TTLL3: variants seen among roughly 807,000 people sequenced by gnomAD.
The protein encoded by TTLL3 is tubulin tyrosine ligase like 3.
In TTLL3, 63 loss-of-function variants were observed where a neutral mutation model predicts 75.2. That is an observed-to-expected ratio of 0.84 (90% CI 0.68 to 1.03). The LOEUF is 1.03. TTLL3 is among the 50% of genes least tolerant of loss of function. The pLI is 0.00. For missense variants in TTLL3, 997 were observed against 1,069.9 expected (o/e 0.93, Z 0.95); for synonymous variants, 393 against 418.5 (o/e 0.94, Z 0.74).
rs1184613103 is a variant in TTLL3 at position 9,810,687 on chromosome 3, T to C, written c.26T>C (p.Ile9Thr). 1 of 1,587,700 alleles carries C rather than the reference T, an allele frequency of 6.3e-7. No homozygotes were observed. The highest frequency in any genetic ancestry group is 1.2e-5 in the South Asian group (1 of 86,648). The change falls in exon 2 of 14, where the codon ATC (isoleucine) becomes ACC (threonine). Residue 9 changes from isoleucine (I) to threonine (T), a missense_variant. Physicochemically the swap from Ile to Thr is moderately conservative, Grantham distance 89. Coordinates refer to ENST00000685419, the MANE Select transcript of TTLL3 (RefSeq NM_001387446.1). The surrounding 1 kb of genome is among the most constrained non-coding windows in gnomAD (Gnocchi z 4.4). MNRLRNAKIYVERAVKQKK... is the reference protein window; with the variant it reads MNRLRNAKTYVERAVKQKK... ...ATGAACCGGCTCAGAAACGCCAAAA[T>C]CTACGTGGAGAGAGCTGTCAAGGTC...
In TTLL3 at chr3:9,833,218, C is replaced by T. The variant is rs1285822484; in HGVS notation, c.1798C>T (p.Leu600=). ...RRMGVRPAVP[L]LTQRGSGEAR... Reference sequence around the variant, plus strand: ...GATGGGGGTCCGCCCAGCAGTCCCTCTGCTGACCCAGCGAGGCTCTGGGGA... The same window carrying T: ...GATGGGGGTCCGCCCAGCAGTCCCTTTGCTGACCCAGCGAGGCTCTGGGGA... Residue 600 remains leucine, a synonymous_variant, in exon 12 of 14, where the codon CTG becomes TTG. Transcript: ENST00000685419. 1 of 1,614,102 alleles carries T rather than the reference C, an allele frequency of 6.2e-7. No homozygotes were observed. The highest frequency in any genetic ancestry group is 1.7e-5 in the Admixed American group (1 of 60,012).
chr3:9,827,296 G>A, intron 10 of TTLL3, 56 bp downstream of exon 10: 1 of 1,595,616 alleles, frequency 6.3e-7, no homozygotes. Context: ...GAGCTGGCAA[G>A]CAAACAGGCG....
intron 8 of TTLL3, among the ~76,000 whole-genome samples, chr3:9,822,429 A>G (rs2080535067): frequency 6.6e-6 from 1 of 151,958 alleles, no homozygotes; most frequent in African/African-American, 2.4e-5. Context: ...AACCTCTCTA[A>G]AGTCGGGATT....
At chr3:9,821,834 C>T (rs527388343) in intron 8 of TTLL3, among the ~76,000 whole-genome samples, 85 of 152,058 alleles carry the variant, frequency 5.6e-4, no homozygotes, top group Non-Finnish European at 5.3e-4. Context: ...GAAACCCCAT[C>T]TCTACTAAAA....
Position 9,810,645 on chromosome 3 carries a change from C to T in TTLL3, c.-17C>T. The T allele has an allele frequency of 6.3e-7, 1 of 1,577,164 alleles. No individual in the cohort carries two copies. Among genetic ancestry groups the T allele is most frequent in the Non-Finnish European group, 8.6e-7 (1 of 1,161,328 alleles). On this transcript the variant is annotated 5_prime_UTR_variant, in exon 2 of 14. Coordinates refer to ENST00000685419, the MANE Select transcript of TTLL3 (RefSeq NM_001387446.1). The surrounding 1 kb of genome is among the most constrained non-coding windows in gnomAD (Gnocchi z 4.4). ...GGTTTCCCGGTCCTCTGGCGAGGAT[C>T]CTCCAAGGCGTCTCACATGAACCGG...
chr3:9,812,516 A>C (rs2079450107), intron 2 of TTLL3, among the ~76,000 whole-genome samples: 1 of 152,048 alleles, frequency 6.6e-6, no homozygotes, highest in African/African-American at 2.4e-5. Flanking sequence ...TCTCAAAAAA[A>C]AAAAATTATC....
At chr3:9,832,721 T>C (rs2081675599) in intron 11 of TTLL3, among the ~76,000 whole-genome samples, 1 of 152,244 alleles carries the variant, frequency 6.6e-6, no homozygotes, top group Non-Finnish European at 1.5e-5. Flanking sequence ...CCAAACCTCT[T>C]ACTTGTCTGG....
In TTLL3 at chr3:9,820,726, A is replaced by C. The variant is rs1247677545; in HGVS notation, c.839A>C (p.Tyr280Ser). 6.2e-7 allele frequency: 1 copy of C among 1,613,918 alleles called. No homozygotes were observed. Among genetic ancestry groups the C allele is most frequent in the African/African-American group, 1.3e-5 (1 of 74,902 alleles). ...PEGWSLFLQRYYQVVHEGAEL... is the reference protein window; with the variant it reads ...PEGWSLFLQRSYQVVHEGAEL... The stretch of plus-strand genomic sequence containing the variant: ...GGCTGGTCCCTCTTCCTCCAGCGCT[A>C]CTACCAAGTGGTCCAGTGAGTCCCC... The change falls in exon 8 of 14, where the codon TAC (tyrosine) becomes TCC (serine). Residue 280 changes from tyrosine to serine, a missense_variant. Transcript: ENST00000685419.
chr3:9,834,530 TCTCA>T (rs1432297532), intron 12 of TTLL3, 147 bp from the exon 13 acceptor site: 1 of 1,264,530 alleles, frequency 7.9e-7, no homozygotes, highest in Admixed American at 2.0e-5. Flanking sequence ...CCTGTTTTCT[TCTCA>T]CTGCCTCTGG....
intron 8 of TTLL3, 109 bp from the exon 9 acceptor site, chr3:9,825,691 C>A: frequency 6.3e-7 from 1 of 1,598,764 alleles, no homozygotes; most frequent in Non-Finnish European, 8.5e-7. Context: ...GAGGGCGTGA[C>A]CAAGGCTGCC....
Position 9,833,355 on chromosome 3 carries a change from C to T in TTLL3, c.1825+110C>T, listed in dbSNP as rs1034037961. The T allele has an allele frequency of 4.6e-6, 7 of 1,522,118 alleles. No homozygotes were observed. In the Admixed American group the frequency reaches 9.2e-5, roughly 20 times the overall value. The allele number at this position is 1,522,118 out of a possible 1,614,324, so 94.3% of individuals were successfully genotyped here. On this transcript the variant is annotated intron_variant, in intron 12 of 13. Transcript: ENST00000685419. ...TCTCCACTGCCACCACTTCAGCCCC[C>T]GGAAAGGGGAAGAAAGGCAAGGCGA... is the stretch of plus-strand genomic sequence containing the variant.
Position 9,825,682 on chromosome 3 carries a change from A to T in TTLL3, c.855-118A>T, listed in dbSNP as rs981723902. ...GAGGGACCTATGGATATCTGCAGGG[A>T]GGGCGTGACCAAGGCTGCCTGGATG... On this transcript the variant is annotated intron_variant, in intron 8 of 13. Coordinates refer to ENST00000685419, the MANE Select transcript of TTLL3 (RefSeq NM_001387446.1). 1.0e-5 allele frequency: 16 copies of T among 1,576,158 alleles called. No individual in the cohort carries two copies. In the African/African-American group the frequency reaches 2.2e-4, roughly 21 times the overall value.
intron 5 of TTLL3, among the ~76,000 whole-genome samples, chr3:9,817,140 G>A (rs58494945): frequency 0.24 from 36,930 of 151,962 alleles, 4,856 homozygotes; most frequent in East Asian, 0.56. Flanking sequence ...ATGAGAAAGG[G>A]TGGGCCGGGC....
chr3:9,835,550 G>A lies in TTLL3; in HGVS notation c.*61G>A. 1.3e-6 allele frequency: 2 copies of A among 1,486,896 alleles called. No homozygotes were observed. The highest frequency in any genetic ancestry group is 1.8e-6 in the Non-Finnish European group (2 of 1,114,150). The allele number at this position is 1,486,896 out of a possible 1,614,324, so 92.1% of individuals were successfully genotyped here. Reference sequence around the variant, plus strand: ...AATTCCCACCTAAGGACAGACATGGGGCTTCCTATTTAGGGACTCCCCCAG... The same window carrying A: ...AATTCCCACCTAAGGACAGACATGGAGCTTCCTATTTAGGGACTCCCCCAG... On this transcript the variant is annotated 3_prime_UTR_variant, in exon 14 of 14. Transcript: ENST00000685419.
In TTLL3 at chr3:9,835,067, C is replaced by A. The variant is rs750702840; in HGVS notation, c.2053-27C>A. 2.5e-6 allele frequency: 4 copies of A among 1,590,682 alleles called. No homozygotes were observed. The South Asian group carries it at 4.6e-5, about 18-fold the overall frequency. On this transcript the variant is annotated intron_variant, in intron 13 of 13. Transcript: ENST00000685419. Reference sequence around the variant, plus strand: ...TCCTCCACAGACTTCTGATCATCTCCCTCTTCTCCCCTCCTTTCACACCGA... The same window carrying A: ...TCCTCCACAGACTTCTGATCATCTCACTCTTCTCCCCTCCTTTCACACCGA...
intron 11 of TTLL3, among the ~76,000 whole-genome samples, chr3:9,831,915 T>G (rs2081576938): frequency 6.8e-6 from 1 of 147,576 alleles, no homozygotes; most frequent in Non-Finnish European, 1.5e-5. Flanking sequence ...TCTCCTCAGA[T>G]CCCGAGTAGC....
rs555659458 is a variant in TTLL3 at position 9,810,782 on chromosome 3, T to C, written c.48+73T>C. 36 of 1,369,658 alleles carry C rather than the reference T, an allele frequency of 2.6e-5. No individual in the cohort carries two copies. The highest frequency in any genetic ancestry group is 3.3e-5 in the Non-Finnish European group (33 of 1,012,488). 84.8% of individuals were successfully genotyped at this position (1,369,658 alleles called of 1,614,324 possible). A position where few individuals can be genotyped will look rare whatever the true frequency, so the allele number is the denominator to read the frequency against. On this transcript the variant is annotated intron_variant, in intron 2 of 13. Coordinates refer to ENST00000685419, the MANE Select transcript of TTLL3 (RefSeq NM_001387446.1). The surrounding 1 kb of genome is among the most constrained non-coding windows in gnomAD (Gnocchi z 4.4). The stretch of plus-strand genomic sequence containing the variant: ...AGCCTGTCTCCCTGCGCTGTTTTCT[T>C]ATATCCTTAAAAAACAAAAGCAAAA...
At chr3:9,813,411 G>T in intron 4 of TTLL3, 66 bp downstream of exon 4, 1 of 1,577,220 alleles carries the variant, frequency 6.3e-7, no homozygotes, top group South Asian at 1.1e-5. Flanking sequence ...TTGGTGTCCA[G>T]CTGGGTGACC....
At chr3:9,834,936 G>C in intron 13 of TTLL3, 29 bp downstream of exon 13, 2 of 1,614,176 alleles carry the variant, frequency 1.2e-6, no homozygotes, top group African/African-American at 1.3e-5. Flanking sequence ...CTCACACCCA[G>C]TGGACAGTGC....
Sources: gnomAD v4.1 joint callset for allele counts (sites outside exome capture counted in the v4.1 genomes callset) on GRCh38, gnomAD v4.1.1 for gene constraint, Gnocchi (gnomAD v3.1) non-coding constraint, MANE v1.5 for transcripts, NCBI Gene and HGNC (gene_info 2026-07-23, HGNC 2026-07-21) for gene names.